Variants in ABCA5 observed in about 807,000 individuals in gnomAD.
ABCA5 encodes ATP binding cassette subfamily A member 5.
ABCA5 carries 163 observed loss-of-function variants against 206.0 expected under a neutral mutation model. The observed-to-expected ratio is 0.79, with a 90% CI of 0.70 to 0.90. The LOEUF is 0.90. ABCA5 is among the 40% of genes least tolerant of loss of function. ABCA5 has a pLI of 0.00. For synonymous variants in ABCA5, 609 were observed against 613.8 expected (o/e 0.99, Z 0.11); for missense variants, 1,859 against 1,912.9 (o/e 0.97, Z 0.53).
At chr17:69,299,451 G>A (rs973264658) in intron 9 of ABCA5, among the ~76,000 whole-genome samples, 1 of 76,824 alleles carries the variant, frequency 1.3e-5, no homozygotes, top group African/African-American at 3.9e-5. Flanking sequence ...TAAAGAAAAT[G>A]TGATACACAC....
At chr17:69,262,286 G>GTATAC (rs1051885197) in intron 24 of ABCA5, among the ~76,000 whole-genome samples, 31 of 152,168 alleles carry the variant, frequency 2.0e-4, no homozygotes, top group Middle Eastern at 3.4e-3. Flanking sequence ...TGTTACATGG[G>GTATAC]TATACTGCAT....
intron 1 of ABCA5, among the ~76,000 whole-genome samples, chr17:69,315,588 G>T (rs1339241963): frequency 6.6e-6 from 1 of 152,076 alleles, no homozygotes; most frequent in Admixed American, 6.6e-5. Flanking sequence ...TTTGAGACCA[G>T]CCTGACCAAC....
intron 11 of ABCA5, among the ~76,000 whole-genome samples, chr17:69,292,054 A>T (rs2075533067): frequency 6.6e-6 from 1 of 152,184 alleles, no homozygotes; most frequent in African/African-American, 2.4e-5. Context: ...GGCTATGATA[A>T]GCCAAGACTG....
rs1469416633 is a variant in ABCA5, at chr17:69,287,732, G to C, written c.1922C>G (p.Pro641Arg). 3 of 1,613,072 alleles carry C rather than the reference G, an allele frequency of 1.9e-6. No individual in the cohort carries two copies. In the African/African-American group the frequency reaches 4.0e-5, roughly 22 times the overall value. The change falls in exon 15 of 39, where the codon CCA becomes CGA. Residue 641 changes from proline (P) to arginine (R), a missense_variant. Physicochemically the swap from Pro to Arg is moderately radical, Grantham distance 103. Transcript: ENST00000392676. ...AGAACAGGGGTCCATTCCAGCTGTTGGTTCATCTAGCAGCAGTATCTGTGT... is the reference window on the plus strand; with the variant it reads ...AGAACAGGGGTCCATTCCAGCTGTTCGTTCATCTAGCAGCAGTATCTGTGT... ...GNPKILLLDEPTAGMDPCSRH... is the reference protein window; with the variant it reads ...GNPKILLLDERTAGMDPCSRH...
intron 18 of ABCA5, among the ~76,000 whole-genome samples, chr17:69,283,598 T>A (rs1009827116): frequency 6.6e-6 from 1 of 152,216 alleles, no homozygotes; most frequent in African/African-American, 2.4e-5. Context: ...AGCCTTTTTT[T>A]ATCCCTCAAA....
chr17:69,277,906 G>A, intron 18 of ABCA5, 64 bp from the exon 19 acceptor site: 1 of 1,290,040 alleles, frequency 7.8e-7, no homozygotes, highest in Non-Finnish European at 1.0e-6. Context: ...ACTTTCTGAA[G>A]CAGGAACATT....
chr17:69,310,510 T>C (rs750076959), intron 3 of ABCA5, among the ~76,000 whole-genome samples: 19 of 152,148 alleles, frequency 1.2e-4, no homozygotes, highest in Non-Finnish European at 2.6e-4. Context: ...AATTCCACAA[T>C]CCTTCTCAGA....
chr17:69,307,857 G>T (rs1389298465), intron 5 of ABCA5, among the ~76,000 whole-genome samples: 1 of 151,946 alleles, frequency 6.6e-6, no homozygotes, highest in East Asian at 1.9e-4. Context: ...CAAGATGGTT[G>T]ATATACATTT....
chr17:69,286,394 G>A (rs2075453754), intron 15 of ABCA5, 83 bp from the exon 16 acceptor site: 13 of 1,187,358 alleles, frequency 1.1e-5, no homozygotes, highest in Admixed American at 2.5e-5. Context: ...TTTCTCATAT[G>A]AGAGTCATCC....
chr17:69,253,578 G>A lies in ABCA5; in HGVS notation c.4410C>T (p.His1470=), dbSNP rs1260856566. ...STGMDPKAKQ[H]MWRAIRTAFK... is the part of the protein sequence containing the mutation. Reference sequence around the variant, plus strand: ...GTCACAAGTACCATACTCACCACATGTGCTGTTTGGCTTTGGGATCCATAC... The same window carrying A: ...GTCACAAGTACCATACTCACCACATATGCTGTTTGGCTTTGGGATCCATAC... The change falls in exon 34 of 39, where the codon CAC becomes CAT. Residue 1470 remains histidine (H), a synonymous_variant. Transcript: ENST00000392676. The A allele has an allele frequency of 5.6e-6, 9 of 1,610,354 alleles. No homozygotes were observed. The East Asian group carries it at 1.6e-4, about 28-fold the overall frequency.
At chr17:69,305,058 A>T (rs1302708466) in intron 6 of ABCA5, among the ~76,000 whole-genome samples, 2 of 152,186 alleles carry the variant, frequency 1.3e-5, no homozygotes, top group Non-Finnish European at 2.9e-5. Context: ...AAAGCTTTCA[A>T]AATGAATAGT....
At chr17:69,259,384 T>C (rs1332395235) in intron 28 of ABCA5, among the ~76,000 whole-genome samples, 2 of 151,974 alleles carry the variant, frequency 1.3e-5, no homozygotes, top group African/African-American at 2.4e-5. Flanking sequence ...CAACCAACTA[T>C]GGTAAAAAGC....
chr17:69,301,362 T>C, intron 8 of ABCA5, 76 bp from the exon 9 acceptor site: 5 of 1,295,146 alleles, frequency 3.9e-6, no homozygotes, highest in Non-Finnish European at 5.3e-6. Context: ...TTAAGAGTTA[T>C]TTAGCATATC....
chr17:69,264,256 CCT>C (rs759648506), intron 24 of ABCA5, among the ~76,000 whole-genome samples: 1 of 152,104 alleles, frequency 6.6e-6, no homozygotes, highest in Non-Finnish European at 1.5e-5. Context: ...TCTTTCATCT[CCT>C]CTGTTAGATG....
chr17:69,250,987 A>C (rs2075006733), intron 35 of ABCA5: 1 of 155,158 alleles, frequency 6.4e-6, no homozygotes, highest in Non-Finnish European at 1.4e-5. Context: ...TGTGGGTGAC[A>C]GTTTCTTACT....
At chr17:69,278,673 T>C (rs893844092) in intron 18 of ABCA5, among the ~76,000 whole-genome samples, 1 of 152,216 alleles carries the variant, frequency 6.6e-6, no homozygotes, top group South Asian at 2.1e-4. Context: ...CATTTTAATA[T>C]TTAATATTCA....
At position 69,247,452 on chromosome 17, in the gene ABCA5, C is replaced by T; in HGVS notation, c.*85G>A. The T allele has an allele frequency of 1.2e-6, 1 of 844,422 alleles. No individual in the cohort carries two copies. 52.3% of individuals were successfully genotyped at this position (844,422 alleles called of 1,614,324 possible). On this transcript the variant is annotated 3_prime_UTR_variant, in exon 39 of 39. Transcript: ENST00000392676. ...AGTGCGTTCTTGGTTCTCCAGTTACCATTCCAATAAAAAACTTTTTAAACC... is the reference window on the plus strand; with the variant it reads ...AGTGCGTTCTTGGTTCTCCAGTTACTATTCCAATAAAAAACTTTTTAAACC...
chr17:69,274,151 A>G (rs774218939), intron 19 of ABCA5, 23 bp from the exon 20 acceptor site: 4 of 1,552,218 alleles, frequency 2.6e-6, no homozygotes, highest in Non-Finnish European at 3.5e-6. Context: ...AAAAAACAAC[A>G]CAGCTCAGGG....
intron 21 of ABCA5, 80 bp downstream of exon 21, chr17:69,271,082 A>G: frequency 6.7e-7 from 1 of 1,495,106 alleles, no homozygotes; most frequent in South Asian, 1.4e-5. Context: ...AGGTCAAATC[A>G]ACAAATAATT....
Sources: allele counts gnomAD v4.1 joint callset (sites outside exome capture counted in the v4.1 genomes callset), GRCh38; gene constraint gnomAD v4.1.1; transcripts MANE v1.5; gene names NCBI Gene and HGNC (gene_info 2026-07-23, HGNC 2026-07-21).